PLD2: variants seen among roughly 807,000 people sequenced by gnomAD.
PLD2 encodes phospholipase D2.
PLD2 carries 101 observed loss-of-function variants against 119.8 expected under a neutral mutation model. The observed-to-expected ratio is 0.84, with a 90% confidence interval of 0.72 to 0.99. The LOEUF (loss-of-function observed/expected upper bound fraction) is 0.99, where lower values mean the gene tolerates loss of function less well. PLD2 is among the 50% of genes least tolerant of loss of function. The probability of loss-of-function intolerance (pLI) is 0.00; values close to 1 mark genes in which losing one functional copy is unlikely to be tolerated. For synonymous variants in PLD2, 494 were observed against 482.8 expected (o/e 1.02, Z -0.30); for missense variants, 1,164 against 1,226.8 (o/e 0.95, Z 0.76).
At chr17:4,812,321 AGTCT>A (rs1906558526) in intron 10 of PLD2, among the ~76,000 whole-genome samples, 1 of 112,256 alleles carries the variant, frequency 8.9e-6, no homozygotes. Flanking sequence ...TTTGAGATGG[AGTCT>A]GTCTCTGTCA....
intron 20 of PLD2, 44 bp from the exon 21 acceptor site, chr17:4,818,730 C>T (rs764490333): frequency 1.2e-6 from 2 of 1,611,390 alleles, no homozygotes; most frequent in Admixed American, 1.7e-5. Context: ...ACCTCCCCTC[C>T]CCTCTGCCAG....
Position 4,817,032 on chromosome 17 carries a change from A to T in PLD2, c.1678A>T (p.Ile560Phe). The T allele has an allele frequency of 6.2e-7, 1 of 1,613,658 alleles. No individual in the cohort carries two copies. Among genetic ancestry groups the T allele is most frequent in the East Asian group, 2.2e-5 (1 of 44,848 alleles). The change falls in exon 16 of 25, where the codon ATC becomes TTC. Residue 560 changes from isoleucine to phenylalanine, a missense_variant. Coordinates refer to ENST00000263088, the MANE Select transcript of PLD2 (RefSeq NM_002663.5). ...LPARDLARHF[I>F]QRWNFTKTTK... ...GGCCCGGGACCTTGCCCGGCACTTC[A>T]TCCAGCGCTGGAACTTCACCAAGGT... is the stretch of plus-strand genomic sequence containing the variant.
intron 14 of PLD2, 146 bp from the exon 15 acceptor site, chr17:4,816,474 T>A (rs1906983143): frequency 1.2e-6 from 1 of 844,002 alleles, no homozygotes; most frequent in Non-Finnish European, 1.9e-6. Flanking sequence ...CAAAGGCAAC[T>A]GGAGGGGAGG....
At position 4,808,961 on chromosome 17, in the gene PLD2, T is replaced by C; in HGVS notation, c.384-139T>C. 2 of 689,234 alleles carry C rather than the reference T, an allele frequency of 2.9e-6. No individual in the cohort carries two copies. The highest frequency in any genetic ancestry group is 5.1e-6 in the Non-Finnish European group (2 of 388,684). 42.7% of individuals were successfully genotyped at this position (689,234 alleles called of 1,614,324 possible). A position where few individuals can be genotyped will look rare whatever the true frequency, so the allele number is the denominator to read the frequency against. ...CACCTGCTGCGGCCTCCCCAAGTGC[T>C]GGGATTCCAGGCGTGAGCCACCACG... is the stretch of plus-strand genomic sequence containing the variant. On this transcript the variant is annotated intron_variant, in intron 4 of 24. Coordinates refer to ENST00000263088, the MANE Select transcript of PLD2 (RefSeq NM_002663.5). The surrounding 1 kb of genome is among the most constrained non-coding windows in gnomAD (Gnocchi z 4.1).
At position 4,818,101 on chromosome 17, in the gene PLD2, A is replaced by G; in HGVS notation, c.1915A>G (p.Ile639Val). ...TIRESQHFLY[I>V]ENQFFISCSD... ...CAGGGAGAGCCAGCACTTCCTCTACATTGAGGTCTGACTGGGAGGAGGTGG... is the reference window on the plus strand; with the variant it reads ...CAGGGAGAGCCAGCACTTCCTCTACGTTGAGGTCTGACTGGGAGGAGGTGG... Residue 639 changes from isoleucine to valine, a missense_variant, in exon 18 of 25, where the codon ATT (isoleucine) becomes GTT (valine). Ile to Val is a conservative substitution (Grantham distance 29). Transcript: ENST00000263088. The G allele has an allele frequency of 6.2e-7, 1 of 1,608,402 alleles. No homozygotes were observed. Among genetic ancestry groups the G allele is most frequent in the Non-Finnish European group, 8.5e-7 (1 of 1,174,752 alleles).
At position 4,819,427 on chromosome 17, in the gene PLD2, A is replaced by G; in HGVS notation, c.2309-2A>G. On this transcript the variant is annotated splice_acceptor_variant, in intron 22 of 24. Coordinates refer to ENST00000263088, the MANE Select transcript of PLD2 (RefSeq NM_002663.5). LOFTEE classifies it high-confidence loss of function. The surrounding 1 kb of genome is among the most constrained non-coding windows in gnomAD (Gnocchi z 4.2). Reference sequence around the variant, plus strand: ...ACACAGTGTGCCCCGCATCCACCCCAGGTTCTGCAAACATCAATGACCGGA... The same window carrying G: ...ACACAGTGTGCCCCGCATCCACCCCGGGTTCTGCAAACATCAATGACCGGA... The G allele has an allele frequency of 6.2e-7, 1 of 1,613,258 alleles. No homozygotes were observed. Among genetic ancestry groups the G allele is most frequent in the Non-Finnish European group, 8.5e-7 (1 of 1,179,610 alleles).
intron 14 of PLD2, among the ~76,000 whole-genome samples, 160 bp downstream of exon 14, chr17:4,816,094 G>A (rs542349592): frequency 2.1e-4 from 32 of 152,216 alleles, no homozygotes; most frequent in African/African-American, 7.2e-4. Flanking sequence ...TGAAAGTGCT[G>A]TAACTGGCCG....
chr17:4,808,228 C>T lies in PLD2; in HGVS notation c.241-46C>T, dbSNP rs1188804621. 8 of 1,602,698 alleles carry T rather than the reference C, an allele frequency of 5.0e-6. No individual in the cohort carries two copies. The highest frequency in any genetic ancestry group is 3.4e-5 in the Admixed American group (2 of 59,472). The stretch of plus-strand genomic sequence containing the variant: ...AGGAGGGCTGGCCAGAGTGGGGAGG[C>T]GGGGACCCACGCAGGGGACATCCAT... On this transcript the variant is annotated intron_variant, in intron 3 of 24. Coordinates refer to ENST00000263088, the MANE Select transcript of PLD2 (RefSeq NM_002663.5). The surrounding 1 kb of genome is among the most constrained non-coding windows in gnomAD (Gnocchi z 4.1).
chr17:4,810,776 A>G (rs1906374857), intron 9 of PLD2, 26 bp from the exon 10 acceptor site: 6 of 1,597,258 alleles, frequency 3.8e-6, no homozygotes, highest in East Asian at 2.2e-5. Context: ...GCGAGGATTT[A>G]TGGACATCTC....
At chr17:4,822,513 A>C in intron 24 of PLD2, 127 bp from the exon 25 acceptor site, 1 of 599,150 alleles carries the variant, frequency 1.7e-6, no homozygotes, top group Non-Finnish European at 2.9e-6. Flanking sequence ...AGAGAGAGAG[A>C]GTTAGTGGCC....
At chr17:4,814,168 T>G (rs1330693133) in intron 10 of PLD2, 4 of 420,862 alleles carry the variant, frequency 9.5e-6, no homozygotes, top group African/African-American at 2.1e-5. Context: ...TTGGTGTTCT[T>G]TATGTATGAT....
chr17:4,819,213 T>C lies in PLD2; in HGVS notation c.2303T>C (p.Ile768Thr), dbSNP rs1907378034. The part of the protein sequence containing the change: ...KVLIADDRTV[I>T]IGSANINDRS... Reference sequence around the variant, plus strand: ...CTCATCGCAGATGACCGGACAGTCATCATTGGTCAGTGCCGGATCTAGTCC... The same window carrying C: ...CTCATCGCAGATGACCGGACAGTCACCATTGGTCAGTGCCGGATCTAGTCC... The change falls in exon 22 of 25, where the codon ATC (isoleucine) becomes ACC (threonine). Residue 768 changes from isoleucine to threonine, a missense_variant. Transcript: ENST00000263088. The surrounding 1 kb of genome is among the most constrained non-coding windows in gnomAD (Gnocchi z 4.2). The C allele has an allele frequency of 1.2e-6, 2 of 1,613,860 alleles. No homozygotes were observed. The highest frequency in any genetic ancestry group is 1.7e-6 in the Non-Finnish European group (2 of 1,180,000).
rs370441205 is a variant in PLD2 at position 4,822,793 on chromosome 17, C to A, written c.2731C>A (p.Leu911Ile). Reference protein sequence around the residue: ...GHLVHFPLKFLEDESLLPPLG... With the variant: ...GHLVHFPLKFIEDESLLPPLG... ...CCTGGTCCACTTCCCCCTCAAGTTC[C>A]TAGAGGATGAGTCTTTGCTGCCCCC... is the stretch of plus-strand genomic sequence containing the variant. The change falls in exon 25 of 25, where the codon CTA becomes ATA. Residue 911 changes from leucine to isoleucine, a missense_variant. By Grantham distance (5) the Leu-to-Ile change is conservative (BLOSUM62 2). Transcript: ENST00000263088. 10 of 1,613,832 alleles carry A rather than the reference C, an allele frequency of 6.2e-6. No individual in the cohort carries two copies. The African/African-American group carries it at 1.3e-4, about 22-fold the overall frequency.
Position 4,822,854 on chromosome 17 carries a change from T to C in PLD2, c.2792T>C (p.Val931Ala), listed in dbSNP as rs1332956267. ...GSKEGMIPLE[V>A]WT ...AAGGAGGGCATGATCCCCCTAGAAGTGTGGACATAGTTGAGGCCCCCGTCA... is the reference window on the plus strand; with the variant it reads ...AAGGAGGGCATGATCCCCCTAGAAGCGTGGACATAGTTGAGGCCCCCGTCA... Residue 931 changes from valine to alanine, a missense_variant, in exon 25 of 25, where the codon GTG becomes GCG. By Grantham distance (64) the Val-to-Ala change is moderately conservative (BLOSUM62 0). Coordinates refer to ENST00000263088, the MANE Select transcript of PLD2 (RefSeq NM_002663.5). 2 of 1,595,780 alleles carry C rather than the reference T, an allele frequency of 1.3e-6. No individual in the cohort carries two copies. The highest frequency in any genetic ancestry group is 1.7e-6 in the Non-Finnish European group (2 of 1,164,602).
intron 10 of PLD2, among the ~76,000 whole-genome samples, chr17:4,812,070 C>T (rs1303639046): frequency 6.6e-6 from 1 of 151,894 alleles, no homozygotes; most frequent in East Asian, 1.9e-4. Flanking sequence ...CTGCCTCGGC[C>T]TCCCCAAAGT....
In PLD2 at chr17:4,815,385, C is replaced by T. The variant is rs554858454; in HGVS notation, c.1174-91C>T. The T allele has an allele frequency of 1.3e-3, 1,019 of 794,376 alleles. 17 individuals are homozygous for T. In the South Asian group the frequency reaches 0.014, roughly 11 times the overall value. 49.2% of individuals were successfully genotyped at this position (794,376 alleles called of 1,614,324 possible). On this transcript the variant is annotated intron_variant, in intron 12 of 24. Coordinates refer to ENST00000263088, the MANE Select transcript of PLD2 (RefSeq NM_002663.5). ...AGAGCCTCTAGGATCTCCAGACAAG[C>T]TGGAGGGACACACGTGGAAAAGGTT...
chr17:4,822,396 G>A (rs937945395), intron 24 of PLD2, among the ~76,000 whole-genome samples: 20 of 152,026 alleles, frequency 1.3e-4, no homozygotes, highest in African/African-American at 4.6e-4. Context: ...GGAGGCAGAG[G>A]CAGGAGAATC....
chr17:4,819,628 G>A lies in PLD2; in HGVS notation c.2462+46G>A, dbSNP rs371040803. The A allele has an allele frequency of 7.2e-5, 112 of 1,554,438 alleles. No homozygotes were observed. The highest frequency in any genetic ancestry group is 2.3e-4 in the Admixed American group (13 of 56,312). ...CACAGGGTGGGAGGGAGATGGGGGC[G>A]TCTGCCTTTTGAGCAGGACAAGAGG... On this transcript the variant is annotated intron_variant, in intron 23 of 24. Coordinates refer to ENST00000263088, the MANE Select transcript of PLD2 (RefSeq NM_002663.5). The surrounding 1 kb of genome is among the most constrained non-coding windows in gnomAD (Gnocchi z 4.2).
At chr17:4,814,807 C>A in intron 12 of PLD2, 96 bp downstream of exon 12, 1 of 1,086,290 alleles carries the variant, frequency 9.2e-7, no homozygotes, top group Non-Finnish European at 1.4e-6. Context: ...CAGTCTGAGG[C>A]TTCAGGGGAG....
Sources: gnomAD v4.1 joint callset for allele counts (sites outside exome capture counted in the v4.1 genomes callset) on GRCh38, gnomAD v4.1.1 for gene constraint, Gnocchi (gnomAD v3.1) non-coding constraint, MANE v1.5 for transcripts, NCBI Gene and HGNC (gene_info 2026-07-23, HGNC 2026-07-21) for gene names.